The following CPNE9 variants were observed in gnomAD, a reference collection of about 807,000 sequenced individuals.
The protein encoded by CPNE9 is copine-9.
In CPNE9, 59 loss-of-function variants were observed where a neutral mutation model predicts 83.0. The ratio of observed to expected loss-of-function variants is 0.71; its 90% confidence interval spans 0.58 to 0.88. The LOEUF is 0.88. Among genes scored for constraint, CPNE9 ranks in the 40% least tolerant of loss-of-function variants. CPNE9 has a pLI of 0.00. For synonymous variants in CPNE9, 256 were observed against 273.4 expected (o/e 0.94, Z 0.63); for missense variants, 619 against 720.8 (o/e 0.86, Z 1.62).
intron 14 of CPNE9, 72 bp downstream of exon 14, chr3:9,716,107 T>C: frequency 2.9e-6 from 4 of 1,371,860 alleles, no homozygotes; most frequent in Non-Finnish European, 4.1e-6. Flanking sequence ...CCCAGGTTTC[T>C]TATTTATGAA....
chr3:9,709,672 T>C (rs2076606024), intron 7 of CPNE9, among the ~76,000 whole-genome samples: 1 of 151,856 alleles, frequency 6.6e-6, no homozygotes, highest in Non-Finnish European at 1.5e-5. Context: ...CTAGCCAAGT[T>C]TATAATTTTT....
chr3:9,726,844 T>C (rs2076789221), intron 19 of CPNE9, 122 bp downstream of exon 19: 2 of 911,302 alleles, frequency 2.2e-6, no homozygotes, highest in East Asian at 2.5e-5. Flanking sequence ...GAAGCCTTGG[T>C]CAAGTCACAG....
intron 7 of CPNE9, among the ~76,000 whole-genome samples, chr3:9,707,791 CAAAA>C (rs57310594): frequency 3.8e-4 from 19 of 49,674 alleles, no homozygotes; most frequent in Non-Finnish European, 7.1e-4. Flanking sequence ...ACAAAAAAGA[CAAAA>C]AAAAAAAAAA....
At chr3:9,709,081 C>G (rs567275656) in intron 7 of CPNE9, among the ~76,000 whole-genome samples, 1 of 150,854 alleles carries the variant, frequency 6.6e-6, no homozygotes, top group East Asian at 2.1e-4. Context: ...CCAGACCAGC[C>G]TGGCCAAAAT....
rs1479764121 is a variant in CPNE9, at chr3:9,704,782, A to C, written c.143A>C (p.Gln48Pro). 1.9e-6 allele frequency: 3 copies of C among 1,611,018 alleles called. No homozygotes were observed. The highest frequency in any genetic ancestry group is 2.2e-5 in the South Asian group (2 of 90,940). Residue 48 changes from glutamine (Q) to proline (P), a missense_variant, in exon 3 of 21, where the codon CAG becomes CCG. Physicochemically the swap from Gln to Pro is moderately conservative, Grantham distance 76. Coordinates refer to ENST00000383832, the MANE Select transcript of CPNE9 (RefSeq NM_153635.3). This position sits in a 1 kb window ranked among gnomAD's most constrained non-coding sequence, Gnocchi z 7.1. The stretch of plus-strand genomic sequence containing the variant: ...CTTTACACGCAGAGCCGGGCCAGCC[A>C]GGAGTGGCGGGAGGTGAGTCCCAGA... Reference protein sequence around the residue: ...VVLYTQSRASQEWREFGRTEV... With the variant: ...VVLYTQSRASPEWREFGRTEV...
intron 7 of CPNE9, among the ~76,000 whole-genome samples, chr3:9,706,922 A>G (rs1211100753): frequency 6.6e-6 from 1 of 152,196 alleles, no homozygotes; most frequent in Non-Finnish European, 1.5e-5. Context: ...GGCAGGAGGA[A>G]GTGAGGTTGA....
chr3:9,717,954 T>C (rs1242793477), intron 15 of CPNE9, 75 bp from the exon 16 acceptor site: 8 of 1,290,088 alleles, frequency 6.2e-6, no homozygotes, highest in Non-Finnish European at 5.4e-6. Context: ...GGTGGATGAA[T>C]GCACACAAAG....
At position 9,705,723 on chromosome 3, in the gene CPNE9, G is replaced by C. The variant is rs754866144; in HGVS notation, c.300+3G>C. On this transcript the variant is annotated splice_donor_region_variant and intron_variant, in intron 6 of 20. Transcript: ENST00000383832. ...GCCACTGCTGGGACCTGCAGAAGGT[G>C]AGGCTGAATGGGGCTGGGCAGAGGT... 10 of 1,613,944 alleles carry C rather than the reference G, an allele frequency of 6.2e-6. No homozygotes were observed. Among genetic ancestry groups the C allele is most frequent in the Non-Finnish European group, 8.5e-6 (10 of 1,179,848 alleles).
chr3:9,714,684 A>C (rs1337071830), intron 10 of CPNE9, among the ~76,000 whole-genome samples: 1 of 151,068 alleles, frequency 6.6e-6, no homozygotes, highest in Non-Finnish European at 1.5e-5. Context: ...CAAACAAACA[A>C]AAAAAGTATT....
intron 13 of CPNE9, 79 bp from the exon 14 acceptor site, chr3:9,715,895 A>T: frequency 8.0e-7 from 1 of 1,256,014 alleles, no homozygotes; most frequent in Non-Finnish European, 1.1e-6. Context: ...CCTCTTTCCA[A>T]GCCCCTATGG....
rs879011954 is a variant in CPNE9 at position 9,704,705 on chromosome 3, T to C, written c.110-44T>C. 6.2e-7 allele frequency: 1 copy of C among 1,606,988 alleles called. No individual in the cohort carries two copies. Among genetic ancestry groups the C allele is most frequent in the Admixed American group, 1.7e-5 (1 of 59,884 alleles). ...GGGCGGGTGGAGTCGGGGCCAGGGG[T>C]GGGAGCCGACCTGACGTCCTTCCCT... is the stretch of plus-strand genomic sequence containing the variant. On this transcript the variant is annotated intron_variant, in intron 2 of 20. Coordinates refer to ENST00000383832, the MANE Select transcript of CPNE9 (RefSeq NM_153635.3). This position sits in a 1 kb window ranked among gnomAD's most constrained non-coding sequence, Gnocchi z 7.1.
At chr3:9,714,869 G>C in intron 10 of CPNE9, 45 bp from the exon 11 acceptor site, 1 of 1,537,912 alleles carries the variant, frequency 6.5e-7, no homozygotes, top group African/African-American at 1.4e-5. Flanking sequence ...GTGTCTCTGG[G>C]ATTTATCATA....
At position 9,704,806 on chromosome 3, in the gene CPNE9, G is replaced by A. The variant is rs774005535; in HGVS notation, c.156+11G>A. On this transcript the variant is annotated intron_variant, in intron 3 of 20. Transcript: ENST00000383832. The surrounding 1 kb of genome is among the most constrained non-coding windows in gnomAD (Gnocchi z 7.1). ...CAGGAGTGGCGGGAGGTGAGTCCCA[G>A]AGCCCCCTCCCGGCCCAGGGCGTCG... The A allele has an allele frequency of 6.2e-7, 1 of 1,604,430 alleles. No individual in the cohort carries two copies. The highest frequency in any genetic ancestry group is 8.5e-7 in the Non-Finnish European group (1 of 1,176,336).
In CPNE9 at chr3:9,712,616, C is replaced by T; in HGVS notation, c.441+12C>T. The T allele has an allele frequency of 6.2e-7, 1 of 1,612,752 alleles. No individual in the cohort carries two copies. Among genetic ancestry groups the T allele is most frequent in the Non-Finnish European group, 8.5e-7 (1 of 1,178,748 alleles). ...TTAGCAATTGTCGGGTCAGTAAGGGCCACATGCTAGACCCAGGAGCTCCCT... is the reference window on the plus strand; with the variant it reads ...TTAGCAATTGTCGGGTCAGTAAGGGTCACATGCTAGACCCAGGAGCTCCCT... On this transcript the variant is annotated intron_variant, in intron 8 of 20. Coordinates refer to ENST00000383832, the MANE Select transcript of CPNE9 (RefSeq NM_153635.3).
chr3:9,725,742 T>G (rs1278662133), intron 17 of CPNE9, among the ~76,000 whole-genome samples: 1 of 132,984 alleles, frequency 7.5e-6, no homozygotes, highest in African/African-American at 2.9e-5. Context: ...TTCATATATA[T>G]GTATATATGT....
chr3:9,710,206 A>T (rs1173752716), intron 7 of CPNE9, among the ~76,000 whole-genome samples: 2 of 152,176 alleles, frequency 1.3e-5, no homozygotes, highest in African/African-American at 4.8e-5. Context: ...ACCAAGTAGA[A>T]ACTGAAAACT....
At position 9,704,929 on chromosome 3, in the gene CPNE9, A is replaced by T. The variant is rs777278809; in HGVS notation, c.195A>T (p.Pro65=). 28 of 1,613,370 alleles carry T rather than the reference A, an allele frequency of 1.7e-5. No homozygotes were observed. Among genetic ancestry groups the T allele is most frequent in the Non-Finnish European group, 2.3e-5 (27 of 1,179,950 alleles). Residue 65 remains proline (P), a synonymous_variant, in exon 4 of 21, where the codon CCA becomes CCT. Transcript: ENST00000383832. This position sits in a 1 kb window ranked among gnomAD's most constrained non-coding sequence, Gnocchi z 7.1. ...AGGTGATTGATAACACGCTGAACCC[A>T]GACTTCGTGCGCAAATTCGTCCTCG... is the stretch of plus-strand genomic sequence containing the variant. ...RTEVIDNTLN[P]DFVRKFVLDY... is the part of the protein sequence containing the mutation.
At chr3:9,715,151 T>C in intron 11 of CPNE9, 138 bp from the exon 12 acceptor site, 1 of 1,010,154 alleles carries the variant, frequency 9.9e-7, no homozygotes, top group Non-Finnish European at 1.5e-6. Flanking sequence ...CCCCTATGTT[T>C]GGCCTCCCTT....
At chr3:9,715,651 G>T in intron 13 of CPNE9, 125 bp downstream of exon 13, 1 of 814,238 alleles carries the variant, frequency 1.2e-6, no homozygotes, top group Non-Finnish European at 2.0e-6. Context: ...TAGTAATATT[G>T]GGCACAAGGA....
Sources: allele counts gnomAD v4.1 joint callset (sites outside exome capture counted in the v4.1 genomes callset), GRCh38; gene constraint gnomAD v4.1.1; non-coding constraint Gnocchi (gnomAD v3.1); transcripts MANE v1.5; gene names NCBI Gene and HGNC (gene_info 2026-07-23, HGNC 2026-07-21).